Variants in ERH observed in about 807,000 individuals in gnomAD.
ERH encodes ERH mRNA splicing and mitosis factor, also known as enhancer of rudimentary homolog.
Under a neutral mutation model 16.8 loss-of-function variants are expected in ERH, and 1 was observed. The ratio of observed to expected loss-of-function variants is 0.06; its 90% CI spans 0.02 to 0.28. ERH has a LOEUF of 0.28. Among genes scored for constraint, ERH ranks in the 10% least tolerant of loss-of-function variants. The pLI is 1.00. For synonymous variants in ERH, 43 were observed against 43.6 expected, an observed-to-expected ratio of 0.99 and a Z score of 0.05; for missense variants, 42 against 127.5, an observed-to-expected ratio of 0.33 and a Z score of 3.23.
intron 2 of ERH, among the ~76,000 whole-genome samples, chr14:69,392,619 G>A (rs11844803): frequency 0.18 from 28,121 of 152,112 alleles, 2,737 homozygotes; most frequent in South Asian, 0.26. Flanking sequence ...ATGACACTGC[G>A]CATTTGGGAA....
chr14:69,397,516 G>A (rs1045335628), intron 1 of ERH, among the ~76,000 whole-genome samples: 5 of 151,602 alleles, frequency 3.3e-5, no homozygotes, highest in Non-Finnish European at 7.4e-5. Context: ...AAGCAAATAC[G>A]TCCTCTCCTG....
intron 1 of ERH, among the ~76,000 whole-genome samples, chr14:69,396,522 A>G (rs887015132): frequency 6.6e-6 from 1 of 152,356 alleles, no homozygotes; most frequent in Non-Finnish European, 1.5e-5. Flanking sequence ...CGGCCTCCCA[A>G]AGTGCTGGGA....
intron 2 of ERH, among the ~76,000 whole-genome samples, chr14:69,394,522 T>TG (rs1882291331): frequency 2.6e-5 from 4 of 152,138 alleles, no homozygotes; most frequent in African/African-American, 7.2e-5. Context: ...CACTTGAACC[T>TG]GGGGGGCGGA....
chr14:69,392,565 C>A (rs1195339832), intron 2 of ERH, among the ~76,000 whole-genome samples: 2 of 152,152 alleles, frequency 1.3e-5, no homozygotes, highest in Non-Finnish European at 2.9e-5. Flanking sequence ...ATGTTTAGGG[C>A]AGGGCAGTGA....
intron 1 of ERH, among the ~76,000 whole-genome samples, chr14:69,395,176 A>C (rs528670443): frequency 6.6e-6 from 1 of 152,240 alleles, no homozygotes; most frequent in East Asian, 1.9e-4. Context: ...TGCCGGGTGC[A>C]TGCCTGTAGT....
chr14:69,398,090 A>G, intron 1 of ERH, 141 bp downstream of exon 1: 1 of 1,084,612 alleles, frequency 9.2e-7, no homozygotes, highest in Non-Finnish European at 1.4e-6. Flanking sequence ...CGGCGGGAAG[A>G]AGGGTCAATC....
chr14:69,384,402 G>A (rs903547056), intron 3 of ERH, among the ~76,000 whole-genome samples: 1 of 152,194 alleles, frequency 6.6e-6, no homozygotes, highest in Non-Finnish European at 1.5e-5. Flanking sequence ...GTCAAAGGGA[G>A]CTAGCAAATG....
chr14:69,384,903 T>C (rs1391681014), intron 3 of ERH, among the ~76,000 whole-genome samples: 2 of 152,204 alleles, frequency 1.3e-5, no homozygotes, highest in Non-Finnish European at 2.9e-5. Flanking sequence ...AGTCTTTTCC[T>C]CTAATGATCT....
In ERH at chr14:69,380,479, C is replaced by T. The variant is rs1446970457; in HGVS notation, c.*59G>A. On this transcript the variant is annotated 3_prime_UTR_variant, in exon 4 of 4. Transcript: ENST00000557016. ...CTATGATACAAAACTTCCACTACAG[C>T]ACGCTGTACACACCTGTGTTCCAAG... is the stretch of plus-strand genomic sequence containing the variant. 13 of 924,164 alleles carry T rather than the reference C, an allele frequency of 1.4e-5. No homozygotes were observed. The highest frequency in any genetic ancestry group is 3.2e-4 in the Middle Eastern group (1 of 3,156). 57.2% of individuals were successfully genotyped at this position (924,164 alleles called of 1,614,324 possible).
At chr14:69,387,749 A>G (rs2140231131) in intron 2 of ERH, among the ~76,000 whole-genome samples, 1 of 151,050 alleles carries the variant, frequency 6.6e-6, no homozygotes, top group East Asian at 2.0e-4. Flanking sequence ...ATGTATATTT[A>G]AGATCCTAGA....
intron 3 of ERH, among the ~76,000 whole-genome samples, chr14:69,383,881 C>T (rs1424549337): frequency 6.6e-6 from 1 of 152,150 alleles, no homozygotes; most frequent in East Asian, 1.9e-4. Flanking sequence ...GGCACAGTTG[C>T]TCATGCCTGT....
At chr14:69,384,756 A>C (rs1480554433) in intron 3 of ERH, among the ~76,000 whole-genome samples, 1 of 152,234 alleles carries the variant, frequency 6.6e-6, no homozygotes, top group Admixed American at 6.5e-5. Flanking sequence ...ACTCAGCACT[A>C]ATTATGTACC....
chr14:69,393,320 A>C lies in ERH; in HGVS notation c.91+1505T>G, dbSNP rs191543070. ...GACAGAGTGAGACTCTGTCTCAAAA[A>C]ACAAAAAGAAACAAAGACACCTGCA... On this transcript the variant is annotated intron_variant, in intron 2 of 3. Transcript: ENST00000557016. 2.0e-3 allele frequency among the ~76,000 whole-genome samples: 307 copies of C among 152,288 alleles called. 1 individual carries two copies. Among genetic ancestry groups the C allele is most frequent in the African/African-American group, 7.1e-3 (296 of 41,542 alleles).
At chr14:69,390,135 T>C (rs8012010) in intron 2 of ERH, among the ~76,000 whole-genome samples, 1,615 of 150,348 alleles carry the variant, frequency 0.011, 24 homozygotes, top group South Asian at 0.027. Flanking sequence ...CTGATGCCAA[T>C]ACTCCCTCAG....
At position 69,393,239 on chromosome 14, in the gene ERH, C is replaced by T. The variant is rs935536493; in HGVS notation, c.91+1586G>A. 2.6e-5 allele frequency among the ~76,000 whole-genome samples: 4 copies of T among 152,188 alleles called. No homozygotes were observed. In the South Asian group the frequency reaches 6.2e-4, roughly 24 times the overall value. ...GACTGAGGAAGGAGAATCATTTGAA[C>T]CAAGAAGGCAGAAGTTGCAGTGAGC... is the stretch of plus-strand genomic sequence containing the variant. On this transcript the variant is annotated intron_variant, in intron 2 of 3. Coordinates refer to ENST00000557016, the MANE Select transcript of ERH (RefSeq NM_004450.3).
In ERH at chr14:69,398,266, G is replaced by A. The variant is rs775866174; in HGVS notation, c.-33C>T. On this transcript the variant is annotated 5_prime_UTR_variant, in exon 1 of 4. Transcript: ENST00000557016. ...AACTCTCTTCGCTACAGCAGCTGCC[G>A]ACACCGCCGCCGTTACACGAGCTTA... 3.9e-5 allele frequency: 63 copies of A among 1,612,792 alleles called. No homozygotes were observed. Among genetic ancestry groups the A allele is most frequent in the Non-Finnish European group, 5.3e-5 (62 of 1,179,768 alleles).
chr14:69,398,107 C>T, intron 1 of ERH, 124 bp downstream of exon 1: 1 of 1,206,062 alleles, frequency 8.3e-7, no homozygotes, highest in Non-Finnish European at 1.2e-6. Flanking sequence ...AATCCACCGA[C>T]TAGAGTGGCG....
chr14:69,388,276 C>A (rs535353961), intron 2 of ERH, among the ~76,000 whole-genome samples: 1 of 152,078 alleles, frequency 6.6e-6, no homozygotes, highest in South Asian at 2.1e-4. Context: ...AGATAATGAG[C>A]AAAATCATTA....
chr14:69,389,514 T>C (rs937290643), intron 2 of ERH, among the ~76,000 whole-genome samples: 1 of 152,160 alleles, frequency 6.6e-6, no homozygotes, highest in African/African-American at 2.4e-5. Flanking sequence ...TATTTGCAGA[T>C]GACATTATCT....
Sources: allele counts gnomAD v4.1 joint callset (sites outside exome capture counted in the v4.1 genomes callset), GRCh38; gene constraint gnomAD v4.1.1; transcripts MANE v1.5; gene names NCBI Gene and HGNC (gene_info 2026-07-23, HGNC 2026-07-21).